APAF1: variants seen among roughly 807,000 people sequenced by gnomAD.
APAF1 encodes apoptotic protease-activating factor 1.
Under a neutral mutation model 152.4 loss-of-function variants are expected in APAF1, and 91 were observed. The observed-to-expected ratio is 0.60, with a 90% confidence interval of 0.50 to 0.71. APAF1 has a LOEUF of 0.71. Ranked by LOEUF, APAF1 falls within the 30% of genes least tolerant of loss-of-function variation. The pLI, the probability that APAF1 is intolerant of heterozygous loss-of-function variation, is 0.00. For missense variants in APAF1, 1,283 were observed against 1,472.0 expected (o/e 0.87, Z 2.10); for synonymous variants, 484 against 494.1 (o/e 0.98, Z 0.27).
chr12:98,714,077 C>T (rs1048743785), intron 21 of APAF1, among the ~76,000 whole-genome samples: 1 of 152,192 alleles, frequency 6.6e-6, no homozygotes, highest in African/African-American at 2.4e-5. Context: ...GAACCTTAGG[C>T]TTCCATCTCA....
chr12:98,659,150 C>T lies in APAF1; in HGVS notation c.527-10C>T, dbSNP rs766273568. The T allele has an allele frequency of 2.7e-5, 43 of 1,613,826 alleles. No individual in the cohort carries two copies. Among genetic ancestry groups the T allele is most frequent in the Middle Eastern group, 1.6e-4 (1 of 6,084 alleles). On this transcript the variant is annotated splice_polypyrimidine_tract_variant and intron_variant, in intron 4 of 26. Coordinates refer to ENST00000551964, the MANE Select transcript of APAF1 (RefSeq NM_181861.2). ...AAAGGCCTTAAGTTCATTATTCTTTCCCTCACTAGGTTGTTTCCCAGGGGG... is the reference window on the plus strand; with the variant it reads ...AAAGGCCTTAAGTTCATTATTCTTTTCCTCACTAGGTTGTTTCCCAGGGGG...
intron 2 of APAF1, 45 bp from the exon 3 acceptor site, chr12:98,648,581 C>T (rs1371593951): frequency 6.2e-7 from 1 of 1,608,776 alleles, no homozygotes; most frequent in South Asian, 1.1e-5. Flanking sequence ...CTTTATGTTG[C>T]ATACATATTC....
rs76945651 is a variant in APAF1, at chr12:98,723,624, T to G, written c.3205-15T>G. On this transcript the variant is annotated splice_polypyrimidine_tract_variant and intron_variant, in intron 23 of 26. Transcript: ENST00000551964. ...AAAAGTGTCAACCTCCAAGTGTTTT[T>G]TTTTTTTTTTTAAGGTATGGAATAT... 10,468 of 1,571,402 alleles carry G rather than the reference T, an allele frequency of 6.7e-3. 58 individuals carry two copies. Among genetic ancestry groups the G allele is most frequent in the African/African-American group, 0.043 (3,125 of 73,132 alleles).
chr12:98,680,264 G>T lies in APAF1; in HGVS notation c.1921-13G>T, dbSNP rs772084615. 7.0e-6 allele frequency: 11 copies of T among 1,570,600 alleles called. No individual in the cohort carries two copies. Among genetic ancestry groups the T allele is most frequent in the Middle Eastern group, 1.7e-4 (1 of 6,010 alleles). ...AGTTTATTATAAAAAATATTTTATTGTTACTTGTGCAGGTGTTCAAAGCTG... is the reference window on the plus strand; with the variant it reads ...AGTTTATTATAAAAAATATTTTATTTTTACTTGTGCAGGTGTTCAAAGCTG... On this transcript the variant is annotated splice_polypyrimidine_tract_variant and intron_variant, in intron 13 of 26. Transcript: ENST00000551964.
intron 16 of APAF1, among the ~76,000 whole-genome samples, chr12:98,695,684 C>CTTG (rs1470615872): frequency 1.3e-5 from 2 of 152,168 alleles, no homozygotes; most frequent in Non-Finnish European, 2.9e-5. Flanking sequence ...ATAGAATAGC[C>CTTG]TTGTATTCTG....
chr12:98,656,622 T>C (rs891185745), intron 4 of APAF1, among the ~76,000 whole-genome samples: 4 of 152,212 alleles, frequency 2.6e-5, no homozygotes, highest in African/African-American at 9.6e-5. Context: ...GTTTCTGCCA[T>C]ACCCTGTAGA....
intron 1 of APAF1, 95 bp from the exon 2 acceptor site, chr12:98,648,224 G>C (rs2097644394): frequency 2.4e-6 from 3 of 1,258,478 alleles, no homozygotes; most frequent in Non-Finnish European, 3.4e-6. Flanking sequence ...AAAAAAATCA[G>C]TTTTGTTCTT....
intron 26 of APAF1, 102 bp downstream of exon 26, chr12:98,727,418 C>G: frequency 7.3e-7 from 1 of 1,378,418 alleles, no homozygotes; most frequent in South Asian, 1.2e-5. Flanking sequence ...TACAACCCAG[C>G]AGAGTAAAAA....
At chr12:98,660,434 A>G (rs2097663616) in intron 5 of APAF1, among the ~76,000 whole-genome samples, 1 of 152,010 alleles carries the variant, frequency 6.6e-6, no homozygotes, top group African/African-American at 2.4e-5. Flanking sequence ...TAACTCTTCT[A>G]CTTCCATGTA....
chr12:98,657,996 T>G (rs2097659971), intron 4 of APAF1, among the ~76,000 whole-genome samples: 1 of 152,230 alleles, frequency 6.6e-6, no homozygotes, highest in African/African-American at 2.4e-5. Flanking sequence ...GATTTATATT[T>G]GTATTTAATT....
At position 98,648,784 on chromosome 12, in the gene APAF1, T is replaced by C; in HGVS notation, c.297T>C (p.Gly99=). The change falls in exon 3 of 27, where the codon GGT becomes GGC. Residue 99 remains glycine, a synonymous_variant. Transcript: ENST00000551964. ...DGIPVVSSSS[G]KDSVSGITSY... ...TTCCTGTTGTCTCTTCTTCCAGTGG[T>C]AAAGATTCAGTTAGTGGAATAACTT... 6.2e-7 allele frequency: 1 copy of C among 1,614,052 alleles called. No homozygotes were observed. The highest frequency in any genetic ancestry group is 8.5e-7 in the Non-Finnish European group (1 of 1,179,986).
chr12:98,651,907 T>G (rs2097649447), intron 4 of APAF1, among the ~76,000 whole-genome samples: 1 of 152,156 alleles, frequency 6.6e-6, no homozygotes, highest in South Asian at 2.1e-4. Flanking sequence ...CTCTGCCTTC[T>G]GGGCTCAAGT....
At chr12:98,723,379 G>C in intron 23 of APAF1, 67 bp downstream of exon 23, 6 of 1,535,092 alleles carry the variant, frequency 3.9e-6, no homozygotes, top group Non-Finnish European at 5.4e-6. Context: ...TATTGAGACA[G>C]TCAAAAGCCA....
chr12:98,650,522 T>C (rs1278737516), intron 4 of APAF1, among the ~76,000 whole-genome samples: 1 of 151,752 alleles, frequency 6.6e-6, no homozygotes, highest in Non-Finnish European at 1.5e-5. Context: ...TTTTGATATG[T>C]ATGTATAACA....
intron 7 of APAF1, among the ~76,000 whole-genome samples, chr12:98,665,278 A>ATATATATATATATATT (rs1491316422): frequency 3.0e-5 from 2 of 66,012 alleles, no homozygotes; most frequent in African/African-American, 5.7e-5. Flanking sequence ...ATATATATAT[A>ATATATATATATATATT]TTTTTTTTTT....
intron 12 of APAF1, among the ~76,000 whole-genome samples, chr12:98,675,272 A>G (rs189281615): frequency 1.3e-5 from 2 of 152,146 alleles, no homozygotes; most frequent in Non-Finnish European, 2.9e-5. Context: ...TTATTTGTCT[A>G]GTACTTTTGG....
chr12:98,715,638 T>G, intron 22 of APAF1, 86 bp downstream of exon 22: 1 of 1,463,148 alleles, frequency 6.8e-7, no homozygotes, highest in Non-Finnish European at 9.5e-7. Flanking sequence ...TGGTGTATAT[T>G]TTAAACACAT....
rs539859053 is a variant in APAF1 at position 98,728,442 on chromosome 12, G to T, written c.3600+1126G>T. Among the ~76,000 whole-genome samples, 5 of 152,140 alleles carry T rather than the reference G, an allele frequency of 3.3e-5. No individual in the cohort carries two copies. In the South Asian group the frequency reaches 6.2e-4, roughly 19 times the overall value. On this transcript the variant is annotated intron_variant, in intron 26 of 26. Transcript: ENST00000551964. ...TTCCTAAAGTTACATAATTAGTGCC[G>T]GGTGTGGTGACTCACACCTGTAATC...
rs540376842 is a variant in APAF1, at chr12:98,693,296, G to A, written c.2305-6112G>A. On this transcript the variant is annotated intron_variant, in intron 16 of 26. Transcript: ENST00000551964. ...TTAAATAGAAAAAAGGTCTTACTAC[G>A]TTGGCCAGGCTGGTCTCAAACTCCT... 4.6e-5 allele frequency among the ~76,000 whole-genome samples: 7 copies of A among 151,722 alleles called. No homozygotes were observed. In the East Asian group the frequency reaches 5.8e-4, roughly 13 times the overall value.
Sources: allele counts gnomAD v4.1 joint callset (sites outside exome capture counted in the v4.1 genomes callset), GRCh38; gene constraint gnomAD v4.1.1; transcripts MANE v1.5; gene names NCBI Gene and HGNC (gene_info 2026-07-23, HGNC 2026-07-21).